The following CACNA1C variants were observed in gnomAD, a reference collection of about 807,000 sequenced individuals.
The protein encoded by CACNA1C is calcium voltage-gated channel subunit alpha1 C, also known as voltage-dependent L-type calcium channel subunit alpha-1C.
In CACNA1C, 30 loss-of-function variants were observed where a neutral mutation model predicts 229.0. The ratio of observed to expected loss-of-function variants is 0.13; its 90% confidence interval spans 0.10 to 0.18. The LOEUF (loss-of-function observed/expected upper bound fraction) is 0.18. Among genes scored for constraint, CACNA1C ranks in the 10% least tolerant of loss-of-function variants. The pLI is 1.00. For missense variants in CACNA1C, 1,658 were observed against 2,845.0 expected (o/e 0.58, Z 9.49); for synonymous variants, 1,114 against 1,132.5 (o/e 0.98, Z 0.33).
At chr12:2,434,471 A>G (rs1480253997) in intron 3 of CACNA1C, among the ~76,000 whole-genome samples, 1 of 152,218 alleles carries the variant, frequency 6.6e-6, no homozygotes, top group African/African-American at 2.4e-5. Flanking sequence ...AGGTTAAACC[A>G]TCTGTCCAAG....
chr12:2,209,715 G>C (rs2097861308), intron 3 of CACNA1C, among the ~76,000 whole-genome samples: 1 of 152,330 alleles, frequency 6.6e-6, no homozygotes, highest in East Asian at 1.9e-4. Flanking sequence ...GATGGGGCAA[G>C]AAGCAAGTCA....
At chr12:2,422,132 A>T (rs927712722) in intron 3 of CACNA1C, among the ~76,000 whole-genome samples, 1 of 152,182 alleles carries the variant, frequency 6.6e-6, no homozygotes, top group Non-Finnish European at 1.5e-5. Flanking sequence ...GTTTCCAAAA[A>T]GTAAACAAAG....
intron 3 of CACNA1C, among the ~76,000 whole-genome samples, chr12:2,177,587 C>CCCTCCCTCCTTCCTT (rs750852324): frequency 2.5e-4 from 20 of 78,520 alleles, no homozygotes; most frequent in Non-Finnish European, 3.1e-4. Context: ...CTCCCTCCCT[C>CCCTCCCTCCTTCCTT]CCTTCCTTCC....
intron 3 of CACNA1C, among the ~76,000 whole-genome samples, chr12:2,302,965 G>A (rs558545341): frequency 2.0e-5 from 3 of 152,216 alleles, no homozygotes; most frequent in African/African-American, 7.2e-5. Context: ...CCCCGGGAGG[G>A]GGGCCTGGTA....
intron 3 of CACNA1C, among the ~76,000 whole-genome samples, chr12:2,340,941 A>G (rs2096843185): frequency 6.6e-6 from 1 of 150,408 alleles, no homozygotes; most frequent in African/African-American, 2.5e-5. Context: ...TGGGCGACAG[A>G]GTGAGACTCC....
intron 3 of CACNA1C, among the ~76,000 whole-genome samples, chr12:2,135,562 T>A (rs370755628): frequency 2.3e-5 from 3 of 132,704 alleles, no homozygotes; most frequent in Non-Finnish European, 4.6e-5. Context: ...TGGAGTACCC[T>A]GCTGTGAGAG....
Position 2,149,516 on chromosome 12 carries a change from C to T in CACNA1C, c.477+29086C>T, listed in dbSNP as rs74573053. ...AATGCTCTACTGCTGTGAACATTCCCGCTTTAGGAATGCTCATAGCAGTAG... is the reference window on the plus strand; with the variant it reads ...AATGCTCTACTGCTGTGAACATTCCTGCTTTAGGAATGCTCATAGCAGTAG... On this transcript the variant is annotated intron_variant, in intron 3 of 46. Transcript: ENST00000399655. Among the ~76,000 whole-genome samples, 746 of 152,274 alleles carry T rather than the reference C, an allele frequency of 4.9e-3. 8 individuals carry two copies. The highest frequency in any genetic ancestry group is 0.017 in the African/African-American group (701 of 41,558).
At chr12:2,422,147 T>G (rs1465790326) in intron 3 of CACNA1C, among the ~76,000 whole-genome samples, 1 of 152,214 alleles carries the variant, frequency 6.6e-6, no homozygotes, top group African/African-American at 2.4e-5. Flanking sequence ...ACAAAGTGAT[T>G]CTTCCTCCAT....
At chr12:2,221,814 G>T (rs879747638) in intron 3 of CACNA1C, 1 of 152,196 alleles carries the variant, frequency 6.6e-6, no homozygotes. Context: ...AGAGGGCTGG[G>T]TAACTAAGTT....
At chr12:2,565,461 G>C (rs370601183) in intron 11 of CACNA1C, among the ~76,000 whole-genome samples, 2 of 134,426 alleles carry the variant, frequency 1.5e-5, no homozygotes, top group Non-Finnish European at 3.2e-5. Context: ...GCGACAGAGC[G>C]AGACTCCGTC....
At chr12:2,014,321 A>T (rs7954533) in intron 1 of CACNA1C, among the ~76,000 whole-genome samples, 2,736 of 152,050 alleles carry the variant, frequency 0.018, 74 homozygotes, top group African/African-American at 0.063. Flanking sequence ...CTATAATGGG[A>T]GAGTTCTTAT....
intron 3 of CACNA1C, among the ~76,000 whole-genome samples, chr12:2,355,730 A>C (rs2097342218): frequency 6.6e-6 from 1 of 152,242 alleles, no homozygotes; most frequent in Non-Finnish European, 1.5e-5. Context: ...GACATTTGGC[A>C]GTGTGTGGAG....
intron 3 of CACNA1C, among the ~76,000 whole-genome samples, chr12:2,142,354 G>A (rs1005484420): frequency 4.6e-5 from 7 of 151,202 alleles, no homozygotes; most frequent in African/African-American, 1.7e-4. Context: ...GTGTGGTGGT[G>A]TGGTGCTGTT....
chr12:2,355,002 G>A (rs1416231290), intron 3 of CACNA1C, among the ~76,000 whole-genome samples: 1 of 152,158 alleles, frequency 6.6e-6, no homozygotes, highest in Non-Finnish European at 1.5e-5. Flanking sequence ...GGTGTGGGGT[G>A]GGGTGGAGGG....
intron 3 of CACNA1C, among the ~76,000 whole-genome samples, chr12:2,166,281 C>T (rs780573918): frequency 2.0e-5 from 3 of 152,214 alleles, no homozygotes; most frequent in Non-Finnish European, 4.4e-5. Context: ...CCTCTACCAT[C>T]AGTAGTCATT....
chr12:2,064,032 G>A (rs969167020), intron 1 of CACNA1C, among the ~76,000 whole-genome samples: 1 of 152,172 alleles, frequency 6.6e-6, no homozygotes. Flanking sequence ...TCAGTAGTGA[G>A]GGTTTGGTAT....
rs766756147 is a variant in CACNA1C, at chr12:2,679,586, A to G, written c.5234A>G (p.His1745Arg). The change falls in exon 42 of 47, where the codon CAC (histidine) becomes CGC (arginine). Residue 1745 changes from histidine (H) to arginine (R), a missense_variant. Coordinates refer to ENST00000399655, the MANE Select transcript of CACNA1C (RefSeq NM_000719.7). This position sits in a 1 kb window ranked among gnomAD's most constrained non-coding sequence, Gnocchi z 5.5. ...CAGGGCGACACTGAGTCGCCATCCC[A>G]CGAGAAGCTGGTGGACTCCACCTTC... is the stretch of plus-strand genomic sequence containing the variant. The part of the protein sequence containing the change: ...SSQGDTESPS[H>R]EKLVDSTFTP... 6.2e-7 allele frequency: 1 copy of G among 1,613,660 alleles called. No homozygotes were observed. The highest frequency in any genetic ancestry group is 8.5e-7 in the Non-Finnish European group (1 of 1,179,774).
intron 3 of CACNA1C, among the ~76,000 whole-genome samples, chr12:2,156,287 C>T (rs1461119539): frequency 6.6e-6 from 1 of 152,066 alleles, no homozygotes; most frequent in Non-Finnish European, 1.5e-5. Context: ...GTCATATGTA[C>T]CTTTTAAATA....
intron 38 of CACNA1C, among the ~76,000 whole-genome samples, chr12:2,671,338 T>C (rs574656178): frequency 6.6e-6 from 1 of 152,142 alleles, no homozygotes; most frequent in Non-Finnish European, 1.5e-5. Context: ...TTCACACATA[T>C]GTGTGTATAA....
Sources: gnomAD v4.1 joint callset for allele counts (sites outside exome capture counted in the v4.1 genomes callset) on GRCh38, gnomAD v4.1.1 for gene constraint, Gnocchi (gnomAD v3.1) non-coding constraint, MANE v1.5 for transcripts, NCBI Gene and HGNC (gene_info 2026-07-23, HGNC 2026-07-21) for gene names.